ZFP64: variants seen among roughly 807,000 people sequenced by gnomAD.
ZFP64 encodes the protein ZFP64 zinc finger protein, also known as zinc finger protein 64.
In ZFP64, 14 loss-of-function variants were observed where a neutral mutation model predicts 51.6. The ratio of observed to expected loss-of-function variants is 0.27; its 90% CI spans 0.18 to 0.42. The LOEUF (loss-of-function observed/expected upper bound fraction) is 0.42, where lower values mean the gene tolerates loss of function less well. Ranked by LOEUF, ZFP64 falls within the 10% of genes least tolerant of loss-of-function variation. The pLI, the probability that ZFP64 is intolerant of heterozygous loss-of-function variation, is 1.00. For missense variants in ZFP64, 754 were observed against 906.8 expected (o/e 0.83, Z 2.16); for synonymous variants, 375 against 361.4 (o/e 1.04, Z -0.43).
At chr20:52,088,492 G>A (rs1311254441) in exon 8 of ZFP64, 52 of 1,614,084 alleles carry the variant, frequency 3.2e-5, no homozygotes, top group Non-Finnish European at 4.2e-5. Flanking sequence ...GGATCCGCAG[G>A]TGCTTCTTGA....
chr20:52,139,786 G>C (rs1195809103), intron 5 of ZFP64, among the ~76,000 whole-genome samples: 1 of 151,068 alleles, frequency 6.6e-6, no homozygotes, highest in Non-Finnish European at 1.5e-5. Flanking sequence ...TTCACAAATT[G>C]TAATACAGGC....
At chr20:52,092,129 G>A (rs551970007) in intron 7 of ZFP64, among the ~76,000 whole-genome samples, 3 of 152,322 alleles carry the variant, frequency 2.0e-5, no homozygotes, top group Non-Finnish European at 2.9e-5. Flanking sequence ...TTGAGGCTAC[G>A]TATAGCACTT....
At chr20:52,112,140 C>T (rs1434984884) in intron 5 of ZFP64, among the ~76,000 whole-genome samples, 3 of 149,998 alleles carry the variant, frequency 2.0e-5, no homozygotes, top group African/African-American at 7.4e-5. Context: ...GCTCTGTTCA[C>T]ATCCCACCTG....
chr20:52,095,386 T>C (rs970875753), intron 7 of ZFP64, among the ~76,000 whole-genome samples: 1 of 152,156 alleles, frequency 6.6e-6, no homozygotes, highest in Non-Finnish European at 1.5e-5. Flanking sequence ...CCTGGGTCCC[T>C]GAGACCACCG....
At chr20:52,094,757 A>G (rs1296177772) in intron 7 of ZFP64, among the ~76,000 whole-genome samples, 2 of 148,200 alleles carry the variant, frequency 1.3e-5, no homozygotes, top group African/African-American at 2.6e-5. Flanking sequence ...AAATAAATAA[A>G]TAAATAATAA....
intron 4 of ZFP64, among the ~76,000 whole-genome samples, chr20:52,162,392 C>T (rs754469340): frequency 6.6e-6 from 1 of 151,786 alleles, no homozygotes; most frequent in Non-Finnish European, 1.5e-5. Context: ...TTTGGGAGGC[C>T]GAGGCGGGCG....
At chr20:52,182,105 G>A (rs1983657275) in intron 2 of ZFP64, among the ~76,000 whole-genome samples, 1 of 152,166 alleles carries the variant, frequency 6.6e-6, no homozygotes, top group South Asian at 2.1e-4. Context: ...GATTATCGCA[G>A]AATTCTCACA....
At chr20:52,101,836 C>T (rs943605287) in intron 5 of ZFP64, among the ~76,000 whole-genome samples, 1 of 150,904 alleles carries the variant, frequency 6.6e-6, no homozygotes, top group African/African-American at 2.4e-5. Flanking sequence ...TGCAGAGTCT[C>T]AGCCGGGTGC....
chr20:52,182,776 A>G (rs1190624978), intron 2 of ZFP64, among the ~76,000 whole-genome samples: 2 of 152,150 alleles, frequency 1.3e-5, no homozygotes, highest in Non-Finnish European at 2.9e-5. Context: ...GGGAGCCGCT[A>G]TTTGGTTGTG....
chr20:52,097,092 C>T (rs2078996560), intron 7 of ZFP64: 1 of 720,150 alleles, frequency 1.4e-6, no homozygotes, highest in East Asian at 2.8e-5. Flanking sequence ...TCTTATTTCT[C>T]TTCTCAGCAG....
chr20:52,136,096 C>CAAAAAAAAAAAAAA (rs71192597), intron 5 of ZFP64, among the ~76,000 whole-genome samples: 2 of 38,030 alleles, frequency 5.3e-5, no homozygotes, highest in Non-Finnish European at 8.8e-5. Context: ...GAGACTCTCT[C>CAAAAAAAAAAAAAA]AAAAAAAAAA....
chr20:52,130,037 T>C (rs1190200391), intron 5 of ZFP64, among the ~76,000 whole-genome samples: 1 of 151,816 alleles, frequency 6.6e-6, no homozygotes, highest in Admixed American at 6.6e-5. Flanking sequence ...ACTCTGTTCC[T>C]CTCGAGATCC....
At chr20:52,189,481 CTTTT>C (rs544103939) in intron 1 of ZFP64, among the ~76,000 whole-genome samples, 1 of 144,514 alleles carries the variant, frequency 6.9e-6, no homozygotes, top group African/African-American at 2.5e-5. Context: ...AATTTTTTTC[CTTTT>C]TTTTTTTGAG....
chr20:52,174,537 G>A (rs914339723), intron 2 of ZFP64, among the ~76,000 whole-genome samples: 6 of 151,026 alleles, frequency 4.0e-5, no homozygotes, highest in African/African-American at 1.5e-4. Flanking sequence ...TAGGATCATG[G>A]CTTAAATCAT....
At chr20:52,107,534 T>A (rs967449476) in intron 5 of ZFP64, among the ~76,000 whole-genome samples, 1 of 152,220 alleles carries the variant, frequency 6.6e-6, no homozygotes, top group Non-Finnish European at 1.5e-5. Context: ...CAGATCTCAT[T>A]CATTTGCTTT....
chr20:52,175,961 G>C, intron 2 of ZFP64: 1 of 985,354 alleles, frequency 1.0e-6, no homozygotes, highest in Non-Finnish European at 1.2e-6. Context: ...TCCACAGTGG[G>C]CGTTAGACCG....
At chr20:52,089,292 A>G (rs1481935850) in intron 7 of ZFP64, among the ~76,000 whole-genome samples, 1 of 152,222 alleles carries the variant, frequency 6.6e-6, no homozygotes, top group Non-Finnish European at 1.5e-5. Context: ...TTAGTTACTA[A>G]AGCAAAGGGA....
chr20:52,174,610 A>G (rs1244476745), intron 2 of ZFP64, among the ~76,000 whole-genome samples: 4 of 152,100 alleles, frequency 2.6e-5, no homozygotes, highest in Non-Finnish European at 4.4e-5. Context: ...GTTGTCATTC[A>G]TCGAAAACAC....
chr20:52,118,120 A>G (rs1978976748), intron 5 of ZFP64, among the ~76,000 whole-genome samples: 1 of 152,150 alleles, frequency 6.6e-6, no homozygotes, highest in Non-Finnish European at 1.5e-5. Context: ...TAAATGAAAA[A>G]GAAACTAGTT....
Sources: gnomAD v4.1 joint callset for allele counts (sites outside exome capture counted in the v4.1 genomes callset) on GRCh38, gnomAD v4.1.1 for gene constraint, MANE v1.5 for transcripts, NCBI Gene and HGNC (gene_info 2026-07-23, HGNC 2026-07-21) for gene names.